ITFG1: variants seen among roughly 807,000 people sequenced by gnomAD.
The protein encoded by ITFG1 is integrin alpha FG-GAP repeat containing 1, also known as T-cell immunomodulatory protein.
In ITFG1, 34 loss-of-function variants were observed where a neutral mutation model predicts 81.8. The observed-to-expected ratio is 0.42, with a 90% CI of 0.32 to 0.55. The LOEUF (loss-of-function observed/expected upper bound fraction) is 0.55. Ranked by LOEUF, ITFG1 falls within the 20% of genes least tolerant of loss-of-function variation. The pLI, the probability that ITFG1 is intolerant of heterozygous loss-of-function variation, is 0.17. For synonymous variants in ITFG1, 285 were observed against 270.6 expected (o/e 1.05, Z -0.52); for missense variants, 672 against 755.4 (o/e 0.89, Z 1.29).
chr16:47,271,588 A>G, intron 10 of ITFG1, among the ~76,000 whole-genome samples: 1 of 152,214 alleles, frequency 6.6e-6, no homozygotes, highest in Non-Finnish European at 1.5e-5. Context: ...TGGCCGGGGC[A>G]CTGGCTCACG....
intron 8 of ITFG1, among the ~76,000 whole-genome samples, chr16:47,336,493 C>G (rs898164085): frequency 1.3e-5 from 2 of 152,140 alleles, no homozygotes; most frequent in Non-Finnish European, 2.9e-5. Context: ...TAGGGACTAT[C>G]TGGAAGATGG....
intron 14 of ITFG1, among the ~76,000 whole-genome samples, chr16:47,216,672 AT>A (rs927525608): frequency 1.0e-4 from 15 of 150,532 alleles, no homozygotes; most frequent in African/African-American, 2.2e-4. Flanking sequence ...TTATTTATTT[AT>A]TTTTTTTTGA....
chr16:47,314,069 AG>A (rs1171535777), intron 8 of ITFG1, among the ~76,000 whole-genome samples: 1 of 152,032 alleles, frequency 6.6e-6, no homozygotes, highest in African/African-American at 2.4e-5. Flanking sequence ...TATAGGAGGG[AG>A]GGGGGCAAGG....
chr16:47,244,295 GC>G (rs1965970628), intron 12 of ITFG1, among the ~76,000 whole-genome samples: 1 of 152,132 alleles, frequency 6.6e-6, no homozygotes, highest in Non-Finnish European at 1.5e-5. Flanking sequence ...CTGATTCATG[GC>G]CAGTTAGTCA....
At chr16:47,320,392 C>T (rs989446226) in intron 8 of ITFG1, among the ~76,000 whole-genome samples, 1 of 152,020 alleles carries the variant, frequency 6.6e-6, no homozygotes, top group African/African-American at 2.4e-5. Flanking sequence ...CTCTGTTTCC[C>T]CCACCCACAC....
chr16:47,385,741 C>G (rs1447147029), intron 6 of ITFG1, among the ~76,000 whole-genome samples: 1 of 152,180 alleles, frequency 6.6e-6, no homozygotes, highest in Non-Finnish European at 1.5e-5. Context: ...ATGCTGAGTG[C>G]TCACTTCAAT....
intron 13 of ITFG1, among the ~76,000 whole-genome samples, chr16:47,229,538 G>A (rs1487461073): frequency 6.6e-6 from 1 of 151,730 alleles, no homozygotes; most frequent in East Asian, 1.9e-4. Flanking sequence ...CTGAAGGTTT[G>A]TGTTTTAGAA....
intron 8 of ITFG1, among the ~76,000 whole-genome samples, chr16:47,321,217 GC>G (rs1357471521): frequency 6.6e-6 from 1 of 152,052 alleles, no homozygotes; most frequent in Non-Finnish European, 1.5e-5. Flanking sequence ...AGAATTCAAG[GC>G]TTTTAATATG....
intron 10 of ITFG1, among the ~76,000 whole-genome samples, chr16:47,284,811 A>G (rs1203700749): frequency 6.6e-6 from 1 of 152,234 alleles, no homozygotes; most frequent in African/African-American, 2.4e-5. Flanking sequence ...ATGTCCTCAA[A>G]TAAGTATTCT....
At chr16:47,428,650 T>A (rs1969054304) in intron 6 of ITFG1, among the ~76,000 whole-genome samples, 154 bp downstream of exon 6, 1 of 152,242 alleles carries the variant, frequency 6.6e-6, no homozygotes, top group Non-Finnish European at 1.5e-5. Flanking sequence ...CAGTCAGTAC[T>A]TTTTCCATGT....
At position 47,168,470 on chromosome 16, in the gene ITFG1, C is replaced by T. The variant is rs1964920343; in HGVS notation, c.1454-5806G>A. Among the ~76,000 whole-genome samples the T allele has an allele frequency of 2.0e-5, 3 of 151,908 alleles. No individual in the cohort carries two copies. In the South Asian group the frequency reaches 6.2e-4, roughly 32 times the overall value. On this transcript the variant is annotated intron_variant, in intron 14 of 17. Transcript: ENST00000320640. The stretch of plus-strand genomic sequence containing the variant: ...CTCATTGCAGCCTCGATCTCCTGGG[C>T]TCCAGTGATCCCAGCTCAGCTTCCC...
At chr16:47,449,128 T>C (rs912807090) in intron 5 of ITFG1, 8 of 152,234 alleles carry the variant, frequency 5.3e-5, no homozygotes, top group East Asian at 1.9e-4. Flanking sequence ...AGCAAGGGCT[T>C]TCTGCTATAA....
chr16:47,236,813 G>A (rs1198465864), intron 13 of ITFG1, among the ~76,000 whole-genome samples: 1 of 152,080 alleles, frequency 6.6e-6, no homozygotes, highest in African/African-American at 2.4e-5. Flanking sequence ...CTGTGGTGAC[G>A]CCTCATCCAG....
chr16:47,389,193 C>T (rs548412864), intron 6 of ITFG1, among the ~76,000 whole-genome samples: 27 of 152,210 alleles, frequency 1.8e-4, no homozygotes, highest in Admixed American at 5.2e-4. Context: ...ACTAAAGTTG[C>T]TCAGGATGAA....
chr16:47,266,769 T>C (rs1319918730), intron 10 of ITFG1, among the ~76,000 whole-genome samples: 1 of 152,224 alleles, frequency 6.6e-6, no homozygotes, highest in East Asian at 1.9e-4. Flanking sequence ...ATAGTCGTAG[T>C]ATTTAAAGGG....
At chr16:47,211,027 A>G (rs1201738614) in intron 14 of ITFG1, among the ~76,000 whole-genome samples, 4 of 152,132 alleles carry the variant, frequency 2.6e-5, no homozygotes, top group South Asian at 2.1e-4. Context: ...CTTTCCATAT[A>G]TATTTTCTAA....
intron 6 of ITFG1, among the ~76,000 whole-genome samples, chr16:47,382,668 G>A (rs918922444): frequency 1.3e-5 from 2 of 151,426 alleles, no homozygotes; most frequent in Non-Finnish European, 2.9e-5. Flanking sequence ...GGGGTGGGTG[G>A]TGGAAACCAC....
intron 12 of ITFG1, among the ~76,000 whole-genome samples, chr16:47,242,537 G>A (rs570803498): frequency 6.6e-6 from 1 of 152,102 alleles, no homozygotes; most frequent in Non-Finnish European, 1.5e-5. Flanking sequence ...AAGGACTATA[G>A]ATAGAAATAA....
intron 2 of ITFG1, among the ~76,000 whole-genome samples, chr16:47,455,621 T>C (rs1377694111): frequency 6.6e-6 from 1 of 151,210 alleles, no homozygotes; most frequent in Non-Finnish European, 1.5e-5. Context: ...ATACAAAAAG[T>C]AGCCAGGCGT....
Sources: allele counts gnomAD v4.1 joint callset (sites outside exome capture counted in the v4.1 genomes callset), GRCh38; gene constraint gnomAD v4.1.1; transcripts MANE v1.5; gene names NCBI Gene and HGNC (gene_info 2026-07-23, HGNC 2026-07-21).